INTS6: variants seen among roughly 807,000 people sequenced by gnomAD.
The protein encoded by INTS6 is integrator complex subunit 6.
INTS6 carries 16 observed loss-of-function variants against 104.9 expected under a neutral mutation model. The observed-to-expected ratio is 0.15, with a 90% CI of 0.10 to 0.23. The LOEUF is 0.23. Among genes scored for constraint, INTS6 ranks in the 10% least tolerant of loss-of-function variants. The pLI is 1.00. For missense variants in INTS6, 584 were observed against 1,062.8 expected (o/e 0.55, Z 6.26); for synonymous variants, 324 against 358.7 (o/e 0.90, Z 1.09).
chr13:51,386,848 T>A (rs1956148419), intron 7 of INTS6, among the ~76,000 whole-genome samples: 1 of 152,268 alleles, frequency 6.6e-6, no homozygotes, highest in Non-Finnish European at 1.5e-5. Context: ...TTAAGAATTA[T>A]ATAATGAATA....
At chr13:51,340,971 T>G in the INTS6 span, 1 of 1,168,868 alleles carries the variant, frequency 8.6e-7, no homozygotes, top group African/African-American at 1.5e-5. Flanking sequence ...CAGCCGTCCC[T>G]AGCCCCTAAA....
At chr13:51,343,395 C>T in the INTS6 span, among the ~76,000 whole-genome samples, 14 of 152,280 alleles carry the variant, frequency 9.2e-5, no homozygotes, top group African/African-American at 2.9e-4. Flanking sequence ...CAAGAGCCCT[C>T]GTTCCAGCTA....
chr13:51,367,915 CAA>C lies in INTS6; in HGVS notation c.2477-19_2477-18del. ...TTTCATATTCTTAAAGCAAAAGAAA[CAA>C]AAAGAAAAATTAAGTGCCTTTCATT... On this transcript the variant is annotated intron_variant, in intron 16 of 17. Coordinates refer to ENST00000311234, the MANE Select transcript of INTS6 (RefSeq NM_012141.3). 6.9e-7 allele frequency: 1 copy of C among 1,443,936 alleles called. No homozygotes were observed. The highest frequency in any genetic ancestry group is 9.4e-7 in the Non-Finnish European group (1 of 1,067,206). The allele number at this position is 1,443,936 out of a possible 1,614,324, so 89.4% of individuals were successfully genotyped here.
At chr13:51,425,879 T>C (rs1022188837) in intron 4 of INTS6, among the ~76,000 whole-genome samples, 2 of 151,988 alleles carry the variant, frequency 1.3e-5, no homozygotes, top group African/African-American at 2.4e-5. Context: ...GTAAGTAATA[T>C]AGTTTTATCG....
intron 2 of INTS6, chr13:51,451,466 A>C: frequency 5.4e-6 from 1 of 183,640 alleles, no homozygotes; most frequent in Non-Finnish European, 1.1e-5. Context: ...TACTAGTGGA[A>C]GCAGATGGGA....
At chr13:51,429,925 G>A (rs927427568) in intron 4 of INTS6, among the ~76,000 whole-genome samples, 11 of 151,104 alleles carry the variant, frequency 7.3e-5, no homozygotes, top group African/African-American at 2.7e-4. Flanking sequence ...ACAGTCGCTG[G>A]ACTGCCAACG....
the INTS6 span, among the ~76,000 whole-genome samples, chr13:51,339,947 A>C: frequency 6.6e-6 from 1 of 152,178 alleles, no homozygotes; most frequent in Non-Finnish European, 1.5e-5. Flanking sequence ...AGAGAGAGAG[A>C]GAGCCCTATG....
At chr13:51,447,316 A>C (rs1952937862) in intron 3 of INTS6, 2 of 152,166 alleles carry the variant, frequency 1.3e-5, no homozygotes, top group South Asian at 4.1e-4. Context: ...CTACCTATTA[A>C]ATGGGTACTA....
chr13:51,417,816 A>G (rs866790391), intron 4 of INTS6, among the ~76,000 whole-genome samples: 3 of 152,178 alleles, frequency 2.0e-5, no homozygotes, highest in African/African-American at 4.8e-5. Flanking sequence ...GACTGACTAT[A>G]AATGTATGTG....
chr13:51,367,683 T>C (rs1343331656), intron 17 of INTS6, 122 bp downstream of exon 17: 3 of 529,920 alleles, frequency 5.7e-6, no homozygotes, highest in African/African-American at 4.1e-5. Flanking sequence ...TTTATTTATA[T>C]GTTGGTATGC....
chr13:51,398,913 G>A (rs1437553061), intron 4 of INTS6, among the ~76,000 whole-genome samples: 1 of 151,838 alleles, frequency 6.6e-6, no homozygotes, highest in Non-Finnish European at 1.5e-5. Context: ...ATGTTTTTTG[G>A]GTAATATAAC....
At chr13:51,367,712 A>G in intron 17 of INTS6, 93 bp downstream of exon 17, 1 of 668,716 alleles carries the variant, frequency 1.5e-6, no homozygotes, top group African/African-American at 1.9e-5. Context: ...TTTATAAACA[A>G]TACAAGTGCA....
At chr13:51,433,085 A>C (rs992554537) in intron 3 of INTS6, among the ~76,000 whole-genome samples, 1 of 152,310 alleles carries the variant, frequency 6.6e-6, no homozygotes, top group East Asian at 1.9e-4. Flanking sequence ...AAGCTCTAAA[A>C]GCCACCACAG....
chr13:51,421,277 T>C, intron 4 of INTS6: 1 of 985,720 alleles, frequency 1.0e-6, no homozygotes, highest in Non-Finnish European at 1.2e-6. Flanking sequence ...GCACCAGTCA[T>C]CATGAGACAG....
At chr13:51,450,145 T>TA in intron 3 of INTS6, 1 of 984,658 alleles carries the variant, frequency 1.0e-6, no homozygotes, top group South Asian at 4.7e-5. Flanking sequence ...ACCCAATATA[T>TA]AATTAGGAAT....
intron 3 of INTS6, chr13:51,449,737 C>T: frequency 1.0e-6 from 1 of 985,306 alleles, no homozygotes; most frequent in Non-Finnish European, 1.2e-6. Flanking sequence ...AGAAGGAAAT[C>T]CACTACTATT....
chr13:51,448,400 CA>C (rs1259545864), intron 3 of INTS6: 1 of 152,280 alleles, frequency 6.6e-6, no homozygotes, highest in African/African-American at 2.4e-5. Context: ...ATATTTATAA[CA>C]ATGTCTGTAG....
chr13:51,338,841 T>G, the INTS6 span, among the ~76,000 whole-genome samples: 1 of 152,356 alleles, frequency 6.6e-6, no homozygotes, highest in African/African-American at 2.4e-5. Flanking sequence ...GTCCATTGAT[T>G]TTCAAATATT....
At chr13:51,451,720 G>GCGCCGCCGC (rs551582945) in intron 2 of INTS6, 128 of 193,738 alleles carry the variant, frequency 6.6e-4, no homozygotes, top group Admixed American at 1.0e-3. Context: ...GTTGATAGCA[G>GCGCCGCCGC]CGCCGCCGCC....
Sources: allele counts gnomAD v4.1 joint callset (sites outside exome capture counted in the v4.1 genomes callset), GRCh38; gene constraint gnomAD v4.1.1; transcripts MANE v1.5; gene names NCBI Gene and HGNC (gene_info 2026-07-23, HGNC 2026-07-21).